Variants in STAU1 observed in about 807,000 individuals in gnomAD.
STAU1 encodes the protein staufen double-stranded RNA binding protein 1, also known as double-stranded RNA-binding protein Staufen homolog 1.
A neutral mutation model predicts 62.9 loss-of-function variants in STAU1; 13 were observed. The ratio of observed to expected loss-of-function variants is 0.21; its 90% CI spans 0.13 to 0.33. The LOEUF (loss-of-function observed/expected upper bound fraction) is 0.33. Ranked by LOEUF, STAU1 falls within the 10% of genes least tolerant of loss-of-function variation. STAU1 has a pLI of 1.00. For synonymous variants in STAU1, 269 were observed against 265.1 expected (o/e 1.01, Z -0.14); for missense variants, 571 against 712.1 (o/e 0.80, Z 2.25).
At chr20:49,204,570 T>C in the STAU1 span, among the ~76,000 whole-genome samples, 33,386 of 130,952 alleles carry the variant, frequency 0.25, 5,072 homozygotes, top group East Asian at 0.51. Flanking sequence ...TATATCTCCT[T>C]ATGCAATTGG....
At chr20:49,130,921 G>C (rs1234797437) in intron 6 of STAU1, among the ~76,000 whole-genome samples, 1 of 151,434 alleles carries the variant, frequency 6.6e-6, no homozygotes, top group African/African-American at 2.4e-5. Context: ...CTGGGCAACA[G>C]AGCGAGACTC....
At chr20:49,159,593 C>G (rs2093418941) in intron 3 of STAU1, among the ~76,000 whole-genome samples, 1 of 152,192 alleles carries the variant, frequency 6.6e-6, no homozygotes, top group South Asian at 2.1e-4. Context: ...AAGGGTCTCA[C>G]TCTGTCACCC....
intron 1 of STAU1, among the ~76,000 whole-genome samples, chr20:49,187,855 G>T (rs1200382930): frequency 6.7e-6 from 1 of 150,028 alleles, no homozygotes; most frequent in East Asian, 2.1e-4. Context: ...GAGGAAAGGC[G>T]GCCGCAGCAC....
At chr20:49,214,550 A>G in the STAU1 span, among the ~76,000 whole-genome samples, 1 of 151,370 alleles carries the variant, frequency 6.6e-6, no homozygotes, top group Non-Finnish European at 1.5e-5. Flanking sequence ...CAAGAAGAAG[A>G]TTTGGGTCCA....
Position 49,114,866 on chromosome 20 carries a change from G to A in STAU1, c.*12C>T, listed in dbSNP as rs774018280. 33 of 1,613,018 alleles carry A rather than the reference G, an allele frequency of 2.0e-5. No individual in the cohort carries two copies. The highest frequency in any genetic ancestry group is 2.5e-5 in the Non-Finnish European group (29 of 1,179,362). On this transcript the variant is annotated 3_prime_UTR_variant, in exon 14 of 14. Coordinates refer to ENST00000371856, the MANE Select transcript of STAU1 (RefSeq NM_017453.4). ...TGTTGGGATTTTATAATGGTTCATG[G>A]CCAGAAAAGGTTCAGCACCTCCCAC...
intron 3 of STAU1, among the ~76,000 whole-genome samples, chr20:49,163,071 A>C (rs1006400833): frequency 5.9e-5 from 9 of 152,090 alleles, no homozygotes; most frequent in African/African-American, 2.2e-4. Flanking sequence ...GTGTGCCTAT[A>C]GTCCCAGCTA....
Position 49,182,531 on chromosome 20 carries a change from A to G in STAU1, c.-160+5585T>C, listed in dbSNP as rs558811217. On this transcript the variant is annotated intron_variant, in intron 1 of 13. Coordinates refer to ENST00000371856, the MANE Select transcript of STAU1 (RefSeq NM_017453.4). ...AAGCTTCATAATACTGTATGGTAAA[A>G]TGTTCATGACAAAGAGCAGAAGGTA... 2.8e-4 allele frequency among the ~76,000 whole-genome samples: 42 copies of G among 152,356 alleles called. 1 individual carries two copies. The South Asian group carries it at 7.9e-3, about 29-fold the overall frequency.
intron 5 of STAU1, among the ~76,000 whole-genome samples, chr20:49,141,710 C>A (rs1052942951): frequency 6.6e-6 from 1 of 152,146 alleles, no homozygotes; most frequent in East Asian, 1.9e-4. Context: ...GCCTGGCCAA[C>A]ATGACGAAAC....
intron 1 of STAU1, among the ~76,000 whole-genome samples, chr20:49,174,751 C>T (rs975375456): frequency 6.6e-6 from 1 of 152,108 alleles, no homozygotes; most frequent in Non-Finnish European, 1.5e-5. Flanking sequence ...TCCTGGCTAA[C>T]ACGGTGAAAC....
intron 1 of STAU1, among the ~76,000 whole-genome samples, chr20:49,181,766 CAAAAAAAAAAA>C (rs758956478): frequency 2.8e-4 from 7 of 24,564 alleles, no homozygotes; most frequent in South Asian, 1.2e-3. Flanking sequence ...ACTATCTCAA[CAAAAAAAAAAA>C]AAAAAAAAAA....
chr20:49,123,365 T>A (rs548208046), intron 7 of STAU1, 130 bp from the exon 8 acceptor site: 10 of 1,079,438 alleles, frequency 9.3e-6, no homozygotes, highest in East Asian at 5.0e-5. Flanking sequence ...CGATTTTTTT[T>A]AATTTAACAT....
chr20:49,170,351 G>A (rs983494519), intron 2 of STAU1, among the ~76,000 whole-genome samples: 8 of 152,172 alleles, frequency 5.3e-5, no homozygotes, highest in Admixed American at 1.3e-4. Context: ...AAGCAATTAT[G>A]GAAAAACATT....
intron 1 of STAU1, among the ~76,000 whole-genome samples, chr20:49,175,798 C>CCTTTTTT (rs58550746): frequency 2.9e-5 from 3 of 104,824 alleles, no homozygotes; most frequent in Admixed American, 1.1e-4. Context: ...CTCATAATGC[C>CCTTTTTT]TTTTTTTTTT....
rs554311369 is a variant in STAU1, at chr20:49,142,285, G to A, written c.511-6354C>T. Among the ~76,000 whole-genome samples, 10 of 151,794 alleles carry A rather than the reference G, an allele frequency of 6.6e-5. 1 individual carries two copies. Among genetic ancestry groups the A allele is most frequent in the African/African-American group, 2.2e-4 (9 of 41,408 alleles). ...GTATTTTTAGTAGAGATGGGGTTTC[G>A]TCATGCTGGCCAGGCTGATCTCGAA... On this transcript the variant is annotated intron_variant, in intron 5 of 13. Transcript: ENST00000371856.
intron 5 of STAU1, among the ~76,000 whole-genome samples, chr20:49,145,323 C>CT (rs1232709673): frequency 7.0e-6 from 1 of 143,432 alleles, no homozygotes; most frequent in Non-Finnish European, 1.5e-5. Flanking sequence ...ACTTGGGAGG[C>CT]TGAGGCAGAA....
chr20:49,203,835 C>A, the STAU1 span, among the ~76,000 whole-genome samples: 9 of 151,842 alleles, frequency 5.9e-5, no homozygotes, highest in African/African-American at 1.9e-4. Flanking sequence ...TACAGGCGTG[C>A]GCCACCACGC....
chr20:49,176,249 T>G (rs2093659476), intron 1 of STAU1, among the ~76,000 whole-genome samples: 1 of 152,204 alleles, frequency 6.6e-6, no homozygotes, highest in South Asian at 2.1e-4. Context: ...ATGGAAAATT[T>G]TACCAAAAGG....
rs1345037922 is a variant in STAU1 at position 49,150,418 on chromosome 20, G to A, written c.510+1164C>T. On this transcript the variant is annotated intron_variant, in intron 5 of 13. Transcript: ENST00000371856. Reference sequence around the variant, plus strand: ...GCTCTGTCCCTGAGGCTGGAGTGCAGTGGCACAATCTCGGCTCACCGCAAG... The same window carrying A: ...GCTCTGTCCCTGAGGCTGGAGTGCAATGGCACAATCTCGGCTCACCGCAAG... Among the ~76,000 whole-genome samples the A allele has an allele frequency of 2.0e-5, 3 of 151,572 alleles. No homozygotes were observed. The South Asian group carries it at 6.2e-4, about 32-fold the overall frequency.
intron 5 of STAU1, among the ~76,000 whole-genome samples, chr20:49,137,325 G>C (rs1192320546): frequency 6.6e-6 from 1 of 152,122 alleles, no homozygotes; most frequent in African/African-American, 2.4e-5. Flanking sequence ...TTTGGAACAA[G>C]GTTCACTTAA....
Sources: gnomAD v4.1 joint callset for allele counts (sites outside exome capture counted in the v4.1 genomes callset) on GRCh38, gnomAD v4.1.1 for gene constraint, MANE v1.5 for transcripts, NCBI Gene and HGNC (gene_info 2026-07-23, HGNC 2026-07-21) for gene names.